The following RASSF3 variants were observed in gnomAD, a reference collection of about 807,000 sequenced individuals.
RASSF3 encodes Ras association domain family member 3, also known as ras association domain-containing protein 3.
In RASSF3, 19 loss-of-function variants were observed where a neutral mutation model predicts 19.9. The observed-to-expected ratio is 0.96, with a 90% CI of 0.67 to 1.40. The LOEUF (loss-of-function observed/expected upper bound fraction) is 1.40. Among genes scored for constraint, RASSF3 ranks in the 40% most tolerant of loss-of-function variants. The pLI is 0.00. For missense variants in RASSF3, 306 were observed against 289.8 expected (o/e 1.06, Z -0.41); for synonymous variants, 110 against 104.2 (o/e 1.06, Z -0.34).
At chr12:64,569,025 A>G (rs147682810) in intron 2 of RASSF3, among the ~76,000 whole-genome samples, 49 of 152,284 alleles carry the variant, frequency 3.2e-4, no homozygotes, top group Admixed American at 1.2e-3. Context: ...TTCACTTTTA[A>G]TTGCCATCCT....
At chr12:64,522,194 T>C (rs907249695) in intron 1 of RASSF3, among the ~76,000 whole-genome samples, 5 of 152,174 alleles carry the variant, frequency 3.3e-5, no homozygotes, top group African/African-American at 9.7e-5. Context: ...TTTGAAAATA[T>C]CAAAAAGTCT....
intron 2 of RASSF3, among the ~76,000 whole-genome samples, chr12:64,567,661 G>C (rs1164857570): frequency 1.3e-5 from 2 of 152,198 alleles, no homozygotes; most frequent in Non-Finnish European, 2.9e-5. Flanking sequence ...GATTCCCTAC[G>C]ACAGTTGACA....
chr12:64,545,881 G>GA, downstream of RASSF3, among the ~76,000 whole-genome samples: 1 of 151,856 alleles, frequency 6.6e-6, no homozygotes, highest in Admixed American at 6.6e-5. Flanking sequence ...CTGCCTCGAA[G>GA]AAAAAAGAGA....
At chr12:64,553,832 C>T (rs1869205696) in intron 2 of RASSF3, among the ~76,000 whole-genome samples, 1 of 152,026 alleles carries the variant, frequency 6.6e-6, no homozygotes, top group African/African-American at 2.4e-5. Flanking sequence ...CAAAAATTAG[C>T]CAGGCATGGT....
chr12:64,552,431 G>A (rs9795883), intron 2 of RASSF3, among the ~76,000 whole-genome samples: 21,623 of 151,998 alleles, frequency 0.14, 1,914 homozygotes, highest in African/African-American at 0.24. Flanking sequence ...TACATAGGCA[G>A]ATGTGTGCCA....
chr12:64,610,611 C>A lies in RASSF3; in HGVS notation c.-22C>A, dbSNP rs763189547. 3.6e-5 allele frequency: 53 copies of A among 1,469,632 alleles called. No homozygotes were observed. The South Asian group carries it at 6.4e-4, about 18-fold the overall frequency. 91.0% of individuals were successfully genotyped at this position (1,469,632 alleles called of 1,614,324 possible). A position where few individuals can be genotyped will look rare whatever the true frequency, so the allele number is the denominator to read the frequency against. On this transcript the variant is annotated 5_prime_UTR_variant, in exon 1 of 5. Coordinates refer to ENST00000542104, the MANE Select transcript of RASSF3 (RefSeq NM_178169.4). ...CCGCCTGCGCCCCGGGGAGGCCGCCCGCGCGCGACGGGACCGGCAGCATGA... is the reference window on the plus strand; with the variant it reads ...CCGCCTGCGCCCCGGGGAGGCCGCCAGCGCGCGACGGGACCGGCAGCATGA...
chr12:64,636,865 C>CA (rs762865541), intron 1 of RASSF3, among the ~76,000 whole-genome samples: 10,220 of 63,278 alleles, frequency 0.16, 628 homozygotes, highest in Non-Finnish European at 0.22. Flanking sequence ...AACTCCGTCT[C>CA]AAAAAAAAAA....
At chr12:64,528,220 C>G (rs1305785294) in intron 1 of RASSF3, among the ~76,000 whole-genome samples, 1 of 152,138 alleles carries the variant, frequency 6.6e-6, no homozygotes, top group Non-Finnish European at 1.5e-5. Context: ...CTGCAGTGAG[C>G]CATGATCCCA....
At chr12:64,576,791 T>TA (rs1869602089) in intron 2 of RASSF3, among the ~76,000 whole-genome samples, 1 of 145,738 alleles carries the variant, frequency 6.9e-6, no homozygotes, top group Non-Finnish European at 1.5e-5. Context: ...GTTGAGGCTG[T>TA]AGTGAGCCAT....
At chr12:64,602,691 G>C (rs1462898875) in intron 2 of RASSF3, among the ~76,000 whole-genome samples, 1 of 152,078 alleles carries the variant, frequency 6.6e-6, no homozygotes, top group Non-Finnish European at 1.5e-5. Context: ...TTCGAGGCCA[G>C]CCTGGGCAAC....
intron 2 of RASSF3, among the ~76,000 whole-genome samples, chr12:64,569,736 C>T (rs927026015): frequency 1.3e-5 from 2 of 152,182 alleles, no homozygotes; most frequent in African/African-American, 2.4e-5. Flanking sequence ...GAGGCCGGGG[C>T]GGGCAGATCA....
Position 64,610,813 on chromosome 12 carries a change from C to T in RASSF3, c.111+70C>T, listed in dbSNP as rs374367705. 5 of 970,824 alleles carry T rather than the reference C, an allele frequency of 5.2e-6. No individual in the cohort carries two copies. The East Asian group carries it at 9.2e-5, about 18-fold the overall frequency. 60.1% of individuals were successfully genotyped at this position (970,824 alleles called of 1,614,324 possible). On this transcript the variant is annotated intron_variant, in intron 1 of 4. Transcript: ENST00000542104. ...CGGGGAACCCGCCAGCCCGCGCCCC[C>T]TGCCTCCACGTGTCTCTGCGGGGCG...
At chr12:64,676,787 T>G (rs959059964) in intron 1 of RASSF3, among the ~76,000 whole-genome samples, 1 of 150,724 alleles carries the variant, frequency 6.6e-6, no homozygotes, top group Non-Finnish European at 1.5e-5. Context: ...TTTTTTTTTT[T>G]AGACAGTGTC....
At chr12:64,597,906 C>T (rs1165518818) in intron 2 of RASSF3, among the ~76,000 whole-genome samples, 1 of 151,822 alleles carries the variant, frequency 6.6e-6, no homozygotes, top group Non-Finnish European at 1.5e-5. Context: ...TTGAAGGCTT[C>T]CTGACCAAAT....
chr12:64,560,584 G>A (rs531619877), intron 2 of RASSF3, among the ~76,000 whole-genome samples: 73 of 152,254 alleles, frequency 4.8e-4, no homozygotes, highest in African/African-American at 1.7e-3. Context: ...ATTGTGCGAG[G>A]AACTATCCAC....
At chr12:64,556,372 G>A (rs1869256638) in intron 2 of RASSF3, among the ~76,000 whole-genome samples, 1 of 152,086 alleles carries the variant, frequency 6.6e-6, no homozygotes, top group South Asian at 2.1e-4. Context: ...TGCCCAGGCT[G>A]GTCTCGAATT....
intron 1 of RASSF3, among the ~76,000 whole-genome samples, chr12:64,647,067 G>A (rs1208424142): frequency 6.6e-6 from 1 of 151,968 alleles, no homozygotes; most frequent in Non-Finnish European, 1.5e-5. Flanking sequence ...TACAAAGGAT[G>A]GAATTAGGCC....
chr12:64,631,561 A>T (rs1410834538), intron 1 of RASSF3, among the ~76,000 whole-genome samples: 1 of 151,590 alleles, frequency 6.6e-6, no homozygotes, highest in African/African-American at 2.4e-5. Context: ...GTATGTATGT[A>T]TGTATGTATG....
chr12:64,653,260 G>A (rs1274207103), intron 1 of RASSF3, among the ~76,000 whole-genome samples: 1 of 152,008 alleles, frequency 6.6e-6, no homozygotes, highest in African/African-American at 2.4e-5. Flanking sequence ...TAAAATTTTT[G>A]TGGAGATGGG....
Sources: allele counts gnomAD v4.1 joint callset (sites outside exome capture counted in the v4.1 genomes callset), GRCh38; gene constraint gnomAD v4.1.1; transcripts MANE v1.5; gene names NCBI Gene and HGNC (gene_info 2026-07-23, HGNC 2026-07-21).